SHTN1: variants seen among roughly 807,000 people sequenced by gnomAD.
The protein encoded by SHTN1 is shootin 1.
Under a neutral mutation model 83.1 loss-of-function variants are expected in SHTN1, and 42 were observed. The observed-to-expected ratio is 0.51, with a 90% confidence interval of 0.39 to 0.65. SHTN1 has a LOEUF of 0.65. SHTN1 is among the 30% of genes least tolerant of loss of function. The probability of loss-of-function intolerance (pLI) is 0.00; values close to 1 mark genes in which losing one functional copy is unlikely to be tolerated. For synonymous variants in SHTN1, 224 were observed against 247.7 expected (o/e 0.90, Z 0.90); for missense variants, 622 against 737.8 (o/e 0.84, Z 1.82).
Position 116,944,938 on chromosome 10 carries a change from ACT to A in SHTN1, c.695_696del (p.Glu232ValfsTer9). ...AAGATACCCACCTCTTGTGCAAATG[ACT>A]CTGCTTTCTTTCGAAGGTCCTTCTC... Reference protein sequence around the residue: ...ELEKDLRKKAESFAQEMFIEQ... With the variant: ...ELEKDLRKKAXSFAQEMFIEQ... On this transcript the variant is annotated frameshift_variant, in exon 8 of 17. Coordinates refer to ENST00000355371, the MANE Select transcript of SHTN1 (RefSeq NM_001127211.3). LOFTEE classifies it high-confidence loss of function. The A allele has an allele frequency of 6.2e-7, 1 of 1,605,900 alleles. No individual in the cohort carries two copies. The highest frequency in any genetic ancestry group is 8.5e-7 in the Non-Finnish European group (1 of 1,172,936).
At chr10:117,008,373 T>C (rs1256319655), upstream of SHTN1, among the ~76,000 whole-genome samples, 1 of 152,064 alleles carries the variant, frequency 6.6e-6, no homozygotes, top group Admixed American at 6.6e-5. Flanking sequence ...AAGATTGAAA[T>C]ACAATGAGGA....
chr10:116,913,086 A>G (rs1848264128), intron 13 of SHTN1, among the ~76,000 whole-genome samples: 4 of 152,190 alleles, frequency 2.6e-5, no homozygotes, highest in Admixed American at 2.6e-4. Flanking sequence ...ACCACCAAGG[A>G]ATTTTGAAAA....
intron 1 of SHTN1, among the ~76,000 whole-genome samples, chr10:117,090,567 C>T (rs1767215382): frequency 6.6e-6 from 1 of 152,092 alleles, no homozygotes; most frequent in Non-Finnish European, 1.5e-5. Context: ...TATGTATTTT[C>T]CACAATTTGA....
At chr10:116,909,743 T>C (rs1313796312) in intron 14 of SHTN1, among the ~76,000 whole-genome samples, 1 of 152,192 alleles carries the variant, frequency 6.6e-6, no homozygotes, top group Non-Finnish European at 1.5e-5. Flanking sequence ...ACTTGTTTTC[T>C]ACCTGGGGGC....
chr10:116,971,085 C>G (rs1460332200), intron 2 of SHTN1, among the ~76,000 whole-genome samples: 1 of 152,122 alleles, frequency 6.6e-6, no homozygotes, highest in Non-Finnish European at 1.5e-5. Context: ...CAGTTTTCCC[C>G]TTTAGTCACT....
At chr10:117,119,008 A>G (rs1257160318) in intron 1 of SHTN1, among the ~76,000 whole-genome samples, 1 of 152,242 alleles carries the variant, frequency 6.6e-6, no homozygotes, top group Non-Finnish European at 1.5e-5. Context: ...CATAAAAAAG[A>G]ATTAAATCCT....
In SHTN1 at chr10:117,034,640, T is replaced by TAA. The variant is rs200237896; in HGVS notation, c.-123+13803_-123+13804dup. Among the ~76,000 whole-genome samples the TAA allele has an allele frequency of 5.0e-3, 717 of 143,716 alleles. 4 individuals carry two copies. The highest frequency in any genetic ancestry group is 0.032 in the South Asian group (147 of 4,594). 94.3% of individuals were successfully genotyped at this position (143,716 alleles called of 152,430 possible). ...TGGGCAACAGAGCAAGACTCCATCTTAAAAAAAAAAAAATCAACATAGAAA... is the reference window on the plus strand; with the variant it reads ...TGGGCAACAGAGCAAGACTCCATCTTAAAAAAAAAAAAAAATCAACATAGAAA... On this transcript the variant is annotated intron_variant, in intron 2 of 17. Coordinates refer to the SHTN1 transcript ENST00000392901.
chr10:116,922,584 G>A (rs1319960005), intron 11 of SHTN1, among the ~76,000 whole-genome samples: 3 of 152,140 alleles, frequency 2.0e-5, no homozygotes, highest in African/African-American at 7.2e-5. Context: ...CAATGGATAA[G>A]TACATTCTGA....
At chr10:117,073,183 T>C (rs1045954829) in intron 1 of SHTN1, among the ~76,000 whole-genome samples, 3 of 151,874 alleles carry the variant, frequency 2.0e-5, no homozygotes, top group African/African-American at 7.3e-5. Flanking sequence ...AATAAGAAAA[T>C]ACAAAGGCTC....
At chr10:117,119,098 A>G (rs1469905371) in intron 1 of SHTN1, among the ~76,000 whole-genome samples, 1 of 152,248 alleles carries the variant, frequency 6.6e-6, no homozygotes, top group Non-Finnish European at 1.5e-5. Flanking sequence ...CAAATATCAC[A>G]TGTTCTCATT....
At chr10:117,036,128 A>G (rs1214302698) in intron 2 of SHTN1, among the ~76,000 whole-genome samples, 1 of 152,062 alleles carries the variant, frequency 6.6e-6, no homozygotes, top group Non-Finnish European at 1.5e-5. Context: ...TCCAAAGGGG[A>G]GCAATAACAA....
At chr10:117,091,874 A>G (rs944004837) in intron 1 of SHTN1, among the ~76,000 whole-genome samples, 2 of 152,088 alleles carry the variant, frequency 1.3e-5, no homozygotes. Context: ...TTACTACATG[A>G]CATGGAAATG....
chr10:117,098,347 ACAT>A (rs1853537661), intron 1 of SHTN1, among the ~76,000 whole-genome samples: 1 of 147,676 alleles, frequency 6.8e-6, no homozygotes. Context: ...CAGTGCGCCG[ACAT>A]CGCGCCACTG....
At chr10:116,914,563 C>T (rs1848314860) in intron 13 of SHTN1, among the ~76,000 whole-genome samples, 1 of 151,726 alleles carries the variant, frequency 6.6e-6, no homozygotes, top group African/African-American at 2.4e-5. Flanking sequence ...GTAGGGCAGC[C>T]TTGAGAGGGA....
At chr10:117,095,742 T>C (rs1853495196) in intron 1 of SHTN1, among the ~76,000 whole-genome samples, 1 of 152,242 alleles carries the variant, frequency 6.6e-6, no homozygotes, top group Non-Finnish European at 1.5e-5. Context: ...TCATCATTCT[T>C]TTGACCTACT....
upstream of SHTN1, chr10:117,005,462 A>C (rs1851987353): frequency 9.7e-7 from 1 of 1,036,066 alleles, no homozygotes; most frequent in Non-Finnish European, 1.2e-6. Flanking sequence ...TCCCGGACTC[A>C]GGGACGCGAG....
At position 117,104,655 on chromosome 10, in the gene SHTN1, C is replaced by T. The variant is rs181733239; in HGVS notation, c.-189+21652G>A. The stretch of plus-strand genomic sequence containing the variant: ...CGGGCGTGGTGGTGGGCGCCTGTAG[C>T]CCCAGCTACTCAGGAGGCTGAGGCA... On this transcript the variant is annotated intron_variant, in intron 1 of 17. Coordinates refer to the SHTN1 transcript ENST00000392901. 4.2e-3 allele frequency among the ~76,000 whole-genome samples: 636 copies of T among 152,078 alleles called. 7 individuals carry two copies. Among genetic ancestry groups the T allele is most frequent in the African/African-American group, 0.015 (612 of 41,490 alleles).
intron 10 of SHTN1, 24 bp downstream of exon 10, chr10:116,929,825 T>C (rs373535762): frequency 5.9e-5 from 92 of 1,558,478 alleles, no homozygotes; most frequent in East Asian, 4.3e-4. Flanking sequence ...TAGTAAGACA[T>C]AGTAGCCTAC....
upstream of SHTN1, among the ~76,000 whole-genome samples, chr10:117,008,132 T>C (rs1288499151): frequency 6.6e-6 from 1 of 151,964 alleles, no homozygotes; most frequent in Non-Finnish European, 1.5e-5. Context: ...TATACAAATA[T>C]ATACATAGAG....
Sources: allele counts gnomAD v4.1 joint callset (sites outside exome capture counted in the v4.1 genomes callset), GRCh38; gene constraint gnomAD v4.1.1; transcripts MANE v1.5; gene names NCBI Gene and HGNC (gene_info 2026-07-23, HGNC 2026-07-21).